Variants in RTBDN observed in about 807,000 individuals in gnomAD.
RTBDN encodes the protein retbindin.
Under a neutral mutation model 21.9 loss-of-function variants are expected in RTBDN, and 24 were observed. The observed-to-expected ratio is 1.10, with a 90% CI of 0.79 to 1.54. The LOEUF is 1.54. RTBDN is among the 40% of genes most tolerant of loss of function. The probability of loss-of-function intolerance (pLI) is 0.00; values close to 1 mark genes in which losing one functional copy is unlikely to be tolerated. For synonymous variants in RTBDN, 141 were observed against 125.9 expected (o/e 1.12, Z -0.80); for missense variants, 325 against 315.2 (o/e 1.03, Z -0.23).
rs376714957 is a variant in RTBDN, at chr19:12,833,899, C to T, written c.-19+590G>A. On this transcript the variant is annotated intron_variant, in intron 1 of 5. Transcript: ENST00000674343. Reference sequence around the variant, plus strand: ...GTCCCCGCGGCTTCTCACTCCCTCCCTCCTCCCTCCTCCCGCCGCCGCTAC... The same window carrying T: ...GTCCCCGCGGCTTCTCACTCCCTCCTTCCTCCCTCCTCCCGCCGCCGCTAC... 2.5e-3 allele frequency: 972 copies of T among 393,880 alleles called. 18 individuals are homozygous for T. The East Asian group carries it at 0.031, about 13-fold the overall frequency. The allele number at this position is 393,880 out of a possible 1,614,324, so 24.4% of individuals were successfully genotyped here.
Position 12,830,056 on chromosome 19 carries a change from C to T in RTBDN, c.-18-59G>A, listed in dbSNP as rs2145858275. 6.5e-7 allele frequency: 1 copy of T among 1,543,394 alleles called. No individual in the cohort carries two copies. The highest frequency in any genetic ancestry group is 8.8e-7 in the Non-Finnish European group (1 of 1,130,798). ...TTCTGTGAGCTTAGGGTGGCACCCA[C>T]CCAGTGCATACCCAAGAAGCAGTGC... On this transcript the variant is annotated intron_variant, in intron 1 of 5. Coordinates refer to ENST00000674343, the MANE Select transcript of RTBDN (RefSeq NM_001270441.2). The surrounding 1 kb of genome is among the most constrained non-coding windows in gnomAD (Gnocchi z 4.2).
Position 12,830,474 on chromosome 19 carries a change from G to C in RTBDN, c.-18-477C>G. On this transcript the variant is annotated intron_variant, in intron 1 of 5. Coordinates refer to ENST00000674343, the MANE Select transcript of RTBDN (RefSeq NM_001270441.2). The surrounding 1 kb of genome is among the most constrained non-coding windows in gnomAD (Gnocchi z 4.2). Reference sequence around the variant, plus strand: ...ACAATCGGCTTAGGGGCCACCCAGAGCTGGACCTTTGGGACCAAGGCTGGT... The same window carrying C: ...ACAATCGGCTTAGGGGCCACCCAGACCTGGACCTTTGGGACCAAGGCTGGT... 3 of 986,782 alleles carry C rather than the reference G, an allele frequency of 3.0e-6. No homozygotes were observed. Among genetic ancestry groups the C allele is most frequent in the Non-Finnish European group, 3.6e-6 (3 of 830,818 alleles). The allele number at this position is 986,782 out of a possible 1,614,324, so 61.1% of individuals were successfully genotyped here.
chr19:12,826,728 TG>T (rs1400414681), intron 5 of RTBDN, 46 bp downstream of exon 5: 30 of 1,111,768 alleles, frequency 2.7e-5, no homozygotes, highest in Non-Finnish European at 3.7e-5. Flanking sequence ...AATAACTTGG[TG>T]GGGAGGATCT....
chr19:12,833,317 A>G (rs935628494), intron 1 of RTBDN, among the ~76,000 whole-genome samples: 2 of 150,976 alleles, frequency 1.3e-5, no homozygotes, highest in African/African-American at 4.9e-5. Context: ...CACAGAGGAT[A>G]TGGCTTTTAG....
chr19:12,830,026 TC>T lies in RTBDN; in HGVS notation c.-18-30del. 1.3e-6 allele frequency: 2 copies of T among 1,585,986 alleles called. No homozygotes were observed. The highest frequency in any genetic ancestry group is 1.7e-6 in the Non-Finnish European group (2 of 1,159,052). On this transcript the variant is annotated intron_variant, in intron 1 of 5. Coordinates refer to ENST00000674343, the MANE Select transcript of RTBDN (RefSeq NM_001270441.2). This position sits in a 1 kb window ranked among gnomAD's most constrained non-coding sequence, Gnocchi z 4.2. ...GCAGGCATAGGGTGGGGTTCAGCCA[TC>T]CCTTTCTGTGAGCTTAGGGTGGCAC...
chr19:12,826,196 G>C (rs1442107583), intron 5 of RTBDN: 3 of 1,349,604 alleles, frequency 2.2e-6, no homozygotes, highest in Admixed American at 7.3e-5. Context: ...GGGTTTTGTA[G>C]AGAGTGACTG....
intron 1 of RTBDN, among the ~76,000 whole-genome samples, chr19:12,832,138 A>G (rs1969596305): frequency 6.6e-6 from 1 of 152,060 alleles, no homozygotes; most frequent in African/African-American, 2.4e-5. Flanking sequence ...TTTGTGGAGT[A>G]TATGTTTGCA....
Position 12,825,891 on chromosome 19 carries a change from G to C in RTBDN, c.505C>G (p.His169Asp). 6.2e-7 allele frequency: 1 copy of C among 1,610,704 alleles called. No homozygotes were observed. Among genetic ancestry groups the C allele is most frequent in the Non-Finnish European group, 8.5e-7 (1 of 1,178,396 alleles). Reference sequence around the variant, plus strand: ...CCAGGAGCAGCCACCGGTAGGGCGTGGCCCAGAGCCGAGCGACAAAGGTCC... The same window carrying C: ...CCAGGAGCAGCCACCGGTAGGGCGTCGCCCAGAGCCGAGCGACAAAGGTCC... The part of the protein sequence containing the change: ...GTDLCRSALG[H>D]ALPVAAPGAR... Residue 169 changes from histidine (H) to aspartate (D), a missense_variant, in exon 6 of 6, where the codon CAC (histidine) becomes GAC (aspartate). By Grantham distance (81) the His-to-Asp change is moderately conservative. Coordinates refer to ENST00000674343, the MANE Select transcript of RTBDN (RefSeq NM_001270441.2).
At chr19:12,831,978 C>G (rs1438282416) in intron 1 of RTBDN, among the ~76,000 whole-genome samples, 1 of 152,022 alleles carries the variant, frequency 6.6e-6, no homozygotes, top group Non-Finnish European at 1.5e-5. Context: ...CATTGGATGA[C>G]TGTGTGTATG....
chr19:12,826,136 T>G, intron 5 of RTBDN: 1 of 1,365,580 alleles, frequency 7.3e-7, no homozygotes. Context: ...GCGGGATGAA[T>G]CAGGGTTGGG....
rs1969292767 is a variant in RTBDN at position 12,826,265 on chromosome 19, G to A, written c.463-332C>T. On this transcript the variant is annotated intron_variant, in intron 5 of 5. Coordinates refer to ENST00000674343, the MANE Select transcript of RTBDN (RefSeq NM_001270441.2). ...GACCCAGAGCAGGAATGGTTTCTTG[G>A]GAAGGGCAAATCTGGACTTCGAGAG... 9 of 1,253,848 alleles carry A rather than the reference G, an allele frequency of 7.2e-6. No homozygotes were observed. In the South Asian group the frequency reaches 1.5e-4, roughly 21 times the overall value. The allele number at this position is 1,253,848 out of a possible 1,614,324, so 77.7% of individuals were successfully genotyped here.
At chr19:12,826,029 T>C in intron 5 of RTBDN, 96 bp from the exon 6 acceptor site, 2 of 1,440,464 alleles carry the variant, frequency 1.4e-6, no homozygotes, top group Non-Finnish European at 1.8e-6. Context: ...TCCTTAGGGA[T>C]TGGGGTCAGA....
Position 12,828,932 on chromosome 19 carries a change from A to C in RTBDN, c.191T>G (p.Met64Arg), listed in dbSNP as rs550909877. The change falls in exon 3 of 6, where the codon ATG becomes AGG. Residue 64 changes from methionine (M) to arginine (R), a missense_variant. Physicochemically the swap from Met to Arg is moderately conservative, Grantham distance 91 (BLOSUM62 -1). Coordinates refer to ENST00000674343, the MANE Select transcript of RTBDN (RefSeq NM_001270441.2). ...HLAGPCCPSE[M>R]DTTETSGPGN... Reference sequence around the variant, plus strand: ...AGGGCCCGATGTCTCTGTTGTGTCCATCTCTGAGGGACAACAAGGTCCTGG... The same window carrying C: ...AGGGCCCGATGTCTCTGTTGTGTCCCTCTCTGAGGGACAACAAGGTCCTGG... 1.0e-4 allele frequency: 166 copies of C among 1,614,100 alleles called. No individual in the cohort carries two copies. In the South Asian group the frequency reaches 1.1e-3, roughly 10 times the overall value.
At chr19:12,826,237 A>C in intron 5 of RTBDN, 1 of 1,286,258 alleles carries the variant, frequency 7.8e-7, no homozygotes, top group African/African-American at 1.5e-5. Flanking sequence ...TAAAATGTGG[A>C]TGGACCCAGA....
chr19:12,825,755 A>G lies in RTBDN; in HGVS notation c.641T>C (p.Leu214Pro), dbSNP rs978300496. 1 of 1,598,522 alleles carries G rather than the reference A, an allele frequency of 6.3e-7. No individual in the cohort carries two copies. Residue 214 changes from leucine to proline, a missense_variant, in exon 6 of 6, where the codon CTG becomes CCG. Transcript: ENST00000674343. ...GCCACTCCCGCTGCCCGCAGCGTCC[A>G]GGATGGAGGTGCGAGGGCTGCGGGA... ...RRSRSPRTSI[L>P]DAAGSGSGSG...
At position 12,829,872 on chromosome 19, in the gene RTBDN, G is replaced by T. The variant is rs149960614; in HGVS notation, c.108C>A (p.Ala36=). The change falls in exon 2 of 6, where the codon GCC becomes GCA. Residue 36 remains alanine, a synonymous_variant. Transcript: ENST00000674343. Reference sequence around the variant, plus strand: ...CCAGCCCATGGTGTTGCTGGGACCTGGCTTGGAGTGGGCGGCTCCCTCCAC... The same window carrying T: ...CCAGCCCATGGTGTTGCTGGGACCTTGCTTGGAGTGGGCGGCTCCCTCCAC... ...EACGGSRPLQ[A]RSQQHHGLAA... 4.3e-6 allele frequency: 7 copies of T among 1,614,074 alleles called. No individual in the cohort carries two copies. In the African/African-American group the frequency reaches 9.3e-5, roughly 22 times the overall value.
chr19:12,826,179 A>AAGGCTGGGGTTTTGTAGAGAG, intron 5 of RTBDN: 5 of 1,366,706 alleles, frequency 3.7e-6, no homozygotes, highest in Non-Finnish European at 4.7e-6. Flanking sequence ...GGTCTGTATC[A>AAGGCTGGGGTTTTGTAGAGAG]AGGCTGGGGT....
At chr19:12,827,182 C>T (rs1887130888) in intron 4 of RTBDN, among the ~76,000 whole-genome samples, 1 of 152,132 alleles carries the variant, frequency 6.6e-6, no homozygotes, top group Non-Finnish European at 1.5e-5. Flanking sequence ...GAGTCAGGGT[C>T]TTGCTCTGTG....
rs903674556 is a variant in RTBDN at position 12,830,938 on chromosome 19, T to G, written c.-18-941A>C. On this transcript the variant is annotated intron_variant, in intron 1 of 5. Transcript: ENST00000674343. The surrounding 1 kb of genome is among the most constrained non-coding windows in gnomAD (Gnocchi z 4.2). ...CAGGCACCTGTGTCTTTTGTTTGTG[T>G]GGCTGTGTGTGTGTTGAGCATGTAT... is the stretch of plus-strand genomic sequence containing the variant. Among the ~76,000 whole-genome samples the G allele has an allele frequency of 6.6e-6, 1 of 151,474 alleles. No homozygotes were observed. Among genetic ancestry groups the G allele is most frequent in the African/African-American group, 2.4e-5 (1 of 41,170 alleles).
Sources: allele counts gnomAD v4.1 joint callset (sites outside exome capture counted in the v4.1 genomes callset), GRCh38; gene constraint gnomAD v4.1.1; non-coding constraint Gnocchi (gnomAD v3.1); transcripts MANE v1.5; gene names NCBI Gene and HGNC (gene_info 2026-07-23, HGNC 2026-07-21).